ZC3H12C: variants seen among roughly 807,000 people sequenced by gnomAD.
The protein encoded by ZC3H12C is zinc finger CCCH-type containing 12C.
In ZC3H12C, 20 loss-of-function variants were observed where a neutral mutation model predicts 76.3. The ratio of observed to expected loss-of-function variants is 0.26; its 90% CI spans 0.18 to 0.38. The LOEUF (loss-of-function observed/expected upper bound fraction) is 0.38, where lower values mean the gene tolerates loss of function less well. Ranked by LOEUF, ZC3H12C falls within the 10% of genes least tolerant of loss-of-function variation. ZC3H12C has a pLI of 1.00. For missense variants in ZC3H12C, 874 were observed against 1,086.5 expected (o/e 0.80, Z 2.75); for synonymous variants, 352 against 399.6 (o/e 0.88, Z 1.42).
intron 4 of ZC3H12C, among the ~76,000 whole-genome samples, chr11:110,160,839 TG>T (rs1276244888): frequency 2.0e-5 from 3 of 152,256 alleles, no homozygotes; most frequent in East Asian, 1.9e-4. Flanking sequence ...TGTTTTCTTT[TG>T]TTTTTTTGTT....
chr11:110,109,497 T>C (rs76097721), intron 1 of ZC3H12C, among the ~76,000 whole-genome samples: 1,735 of 152,286 alleles, frequency 0.011, 31 homozygotes, highest in African/African-American at 0.038. Context: ...GTCATACTTT[T>C]TGGAGGTTAT....
In ZC3H12C at chr11:110,168,907, A is replaced by T. The variant is rs1739827115; in HGVS notation, c.*3170A>T. On this transcript the variant is annotated 3_prime_UTR_variant, in exon 6 of 6. Transcript: ENST00000278590. Reference sequence around the variant, plus strand: ...GAAAATTCATTTATGAGAATATGTAATATAACTGAAGAGTATTTTATGTAT... The same window carrying T: ...GAAAATTCATTTATGAGAATATGTATTATAACTGAAGAGTATTTTATGTAT... 6.6e-6 allele frequency: 1 copy of T among 152,198 alleles called. No homozygotes were observed. Among genetic ancestry groups the T allele is most frequent in the Admixed American group, 6.5e-5 (1 of 15,278 alleles). 9.4% of individuals were successfully genotyped at this position (152,198 alleles called of 1,614,324 possible).
At chr11:110,163,496 T>C in intron 5 of ZC3H12C, 117 bp downstream of exon 5, 1 of 714,392 alleles carries the variant, frequency 1.4e-6, no homozygotes, top group East Asian at 3.0e-5. Flanking sequence ...GTTCTTTGGA[T>C]TCCAGATAAA....
intron 3 of ZC3H12C, among the ~76,000 whole-genome samples, chr11:110,153,576 TG>T (rs754621889): frequency 7.6e-4 from 115 of 152,074 alleles, no homozygotes; most frequent in Non-Finnish European, 1.4e-3. Context: ...TTTACTTTTG[TG>T]GAAACTCTGA....
intron 1 of ZC3H12C, among the ~76,000 whole-genome samples, chr11:110,114,042 T>C (rs2134156021): frequency 6.6e-6 from 1 of 152,266 alleles, no homozygotes; most frequent in Non-Finnish European, 1.5e-5. Flanking sequence ...AGTTCCCCAC[T>C]ACCAAAGGTG....
intron 1 of ZC3H12C, among the ~76,000 whole-genome samples, chr11:110,101,061 G>A (rs1861205035): frequency 6.6e-6 from 1 of 152,152 alleles, no homozygotes; most frequent in Non-Finnish European, 1.5e-5. Context: ...TTGTTGATAC[G>A]GAGAAAGTAT....
At chr11:110,120,029 C>G (rs1028366249) in intron 1 of ZC3H12C, among the ~76,000 whole-genome samples, 1 of 152,164 alleles carries the variant, frequency 6.6e-6, no homozygotes, top group African/African-American at 2.4e-5. Flanking sequence ...GACGCCTTCC[C>G]TGATTTATAA....
At chr11:110,099,433 T>A (rs931098804) in intron 1 of ZC3H12C, among the ~76,000 whole-genome samples, 6 of 152,178 alleles carry the variant, frequency 3.9e-5, no homozygotes, top group Admixed American at 2.0e-4. Context: ...AATATCTCAT[T>A]TTAATGCTGA....
chr11:110,163,606 G>C (rs976151359), intron 5 of ZC3H12C, among the ~76,000 whole-genome samples: 3 of 152,164 alleles, frequency 2.0e-5, no homozygotes, highest in African/African-American at 7.2e-5. Context: ...AAAAAACACT[G>C]TTAATTCTAC....
chr11:110,097,825 G>C (rs930620173), intron 1 of ZC3H12C, among the ~76,000 whole-genome samples: 11 of 152,188 alleles, frequency 7.2e-5, no homozygotes, highest in Non-Finnish European at 1.2e-4. Context: ...AAAAGTTCCT[G>C]TCGCCTAGTG....
intron 1 of ZC3H12C, among the ~76,000 whole-genome samples, chr11:110,093,747 C>T (rs1250583506): frequency 2.0e-5 from 3 of 152,112 alleles, no homozygotes; most frequent in African/African-American, 4.8e-5. Context: ...CCGGTCCCCG[C>T]CCGCCCGGGG....
chr11:110,138,925 A>T (rs1184973344), intron 2 of ZC3H12C, among the ~76,000 whole-genome samples: 1 of 152,180 alleles, frequency 6.6e-6, no homozygotes, highest in Non-Finnish European at 1.5e-5. Context: ...CTCAATTTAG[A>T]ATAGCCATAT....
In ZC3H12C at chr11:110,117,332, TTGTC is replaced by T. The variant is rs200223929; in HGVS notation, c.22-19329_22-19326del. ...CACAATATAAGTTAAAAATTTGTGA[TTGTC>T]TAATAGATCATTTTAATGTAATCCA... is the stretch of plus-strand genomic sequence containing the variant. On this transcript the variant is annotated intron_variant, in intron 1 of 5. Coordinates refer to ENST00000278590, the MANE Select transcript of ZC3H12C (RefSeq NM_033390.2). Among the ~76,000 whole-genome samples the T allele has an allele frequency of 9.4e-4, 143 of 152,316 alleles. 1 individual carries two copies. The East Asian group carries it at 0.02, about 22-fold the overall frequency.
intron 2 of ZC3H12C, among the ~76,000 whole-genome samples, chr11:110,146,239 C>T (rs2134185644): frequency 6.6e-6 from 1 of 152,322 alleles, no homozygotes; most frequent in Admixed American, 6.5e-5. Context: ...CCGCCCGCCT[C>T]AGCCTCCCAA....
intron 1 of ZC3H12C, among the ~76,000 whole-genome samples, chr11:110,118,959 G>A (rs1861608105): frequency 6.6e-6 from 1 of 152,128 alleles, no homozygotes; most frequent in African/African-American, 2.4e-5. Context: ...TATTACTGTA[G>A]CACTATCTCC....
intron 1 of ZC3H12C, among the ~76,000 whole-genome samples, chr11:110,103,750 C>T (rs766302131): frequency 2.4e-4 from 37 of 152,038 alleles, no homozygotes; most frequent in African/African-American, 6.3e-4. Flanking sequence ...GGACTACAGG[C>T]GCCCGCCACC....
chr11:110,123,924 A>G (rs1861693434), intron 1 of ZC3H12C: 2 of 152,288 alleles, frequency 1.3e-5, no homozygotes, highest in Admixed American at 1.3e-4. Context: ...GCTTAGTAAC[A>G]CTGAACCCCA....
chr11:110,101,187 A>T (rs150355853), intron 1 of ZC3H12C, among the ~76,000 whole-genome samples: 23 of 152,312 alleles, frequency 1.5e-4, no homozygotes, highest in Non-Finnish European at 1.3e-4. Context: ...CCCTAGTTCT[A>T]TGAAGGCTAA....
At position 110,128,021 on chromosome 11, in the gene ZC3H12C, G is replaced by A. The variant is rs1314995358; in HGVS notation, c.22-8642G>A. Among the ~76,000 whole-genome samples the A allele has an allele frequency of 2.0e-5, 3 of 151,722 alleles. 1 individual carries two copies. The highest frequency in any genetic ancestry group is 4.2e-4 in the South Asian group (2 of 4,806). ...AAGCTTACTTGTTTCACATTCATAC[G>A]TCAGAAAAAGTACAAGCCCCTCTCA... On this transcript the variant is annotated intron_variant, in intron 1 of 5. Transcript: ENST00000278590.
Sources: gnomAD v4.1 joint callset for allele counts (sites outside exome capture counted in the v4.1 genomes callset) on GRCh38, gnomAD v4.1.1 for gene constraint, MANE v1.5 for transcripts, NCBI Gene and HGNC (gene_info 2026-07-23, HGNC 2026-07-21) for gene names.